UNC13A: variants seen among roughly 807,000 people sequenced by gnomAD.
UNC13A encodes the protein unc-13 homolog A, also known as protein unc-13 homolog A.
In UNC13A, 61 loss-of-function variants were observed where a neutral mutation model predicts 219.7. That is an observed-to-expected ratio of 0.28 (90% CI 0.23 to 0.34). The LOEUF (loss-of-function observed/expected upper bound fraction) is 0.34, where lower values mean the gene tolerates loss of function less well. UNC13A is among the 10% of genes least tolerant of loss of function. The pLI, the probability that UNC13A is intolerant of heterozygous loss-of-function variation, is 1.00. For synonymous variants in UNC13A, 920 were observed against 884.6 expected, an observed-to-expected ratio of 1.04 and a Z score of -0.71; for missense variants, 1,476 against 2,270.3, an observed-to-expected ratio of 0.65 and a Z score of 7.11.
chr19:17,618,518 A>G lies in UNC13A; in HGVS notation c.4330-17T>C. The G allele has an allele frequency of 6.3e-7, 1 of 1,577,246 alleles. No homozygotes were observed. The highest frequency in any genetic ancestry group is 1.2e-5 in the South Asian group (1 of 86,550). ...CATGTGATCCTGGATGGATGGGGAG[A>G]GGGGCCATGTGGGTGGAGTGGGCTC... On this transcript the variant is annotated splice_polypyrimidine_tract_variant and intron_variant, in intron 39 of 43. Transcript: ENST00000519716.
intron 36 of UNC13A, 23 bp from the exon 37 acceptor site, chr19:17,621,893 T>C (rs778383676): frequency 6.2e-7 from 1 of 1,613,752 alleles, no homozygotes; most frequent in Non-Finnish European, 8.5e-7. Context: ...TGTCACAGGG[T>C]GATCAACCTG....
chr19:17,628,164 T>C (rs1275584516), intron 31 of UNC13A: 2 of 519,264 alleles, frequency 3.9e-6, no homozygotes, highest in Non-Finnish European at 6.9e-6. Context: ...AGGACTCAAG[T>C]AATCCCACGA....
intron 41 of UNC13A, among the ~76,000 whole-genome samples, chr19:17,616,963 G>C (rs904769995): frequency 1.3e-5 from 2 of 152,192 alleles, no homozygotes; most frequent in East Asian, 3.9e-4. Context: ...TGTGCGCTCA[G>C]AGAGGGACAG....
At position 17,675,936 on chromosome 19, in the gene UNC13A, A is replaced by G. The variant is rs1159167837; in HGVS notation, c.52+76T>C. 3.9e-6 allele frequency: 6 copies of G among 1,524,586 alleles called. No individual in the cohort carries two copies. In the East Asian group the frequency reaches 1.5e-4, roughly 37 times the overall value. The allele number at this position is 1,524,586 out of a possible 1,614,324, so 94.4% of individuals were successfully genotyped here. ...AGCCCAACTCTAAGTCTGGGCTGGG[A>G]CCCCCTCCCAGTCTCTCCAAGAGAC... On this transcript the variant is annotated intron_variant, in intron 2 of 43. Coordinates refer to ENST00000519716, the MANE Select transcript of UNC13A (RefSeq NM_001080421.3).
At position 17,649,449 on chromosome 19, in the gene UNC13A, G is replaced by C; in HGVS notation, c.1518+60C>G. 1.2e-6 allele frequency: 2 copies of C among 1,613,218 alleles called. No homozygotes were observed. The highest frequency in any genetic ancestry group is 1.7e-6 in the Non-Finnish European group (2 of 1,179,262). On this transcript the variant is annotated intron_variant, in intron 13 of 43. Transcript: ENST00000519716. This position sits in a 1 kb window ranked among gnomAD's most constrained non-coding sequence, Gnocchi z 4.4. ...AGGTTGACCATGGGCAGTTCCACAGGTTGTGCACTGCTTATAGCAGGCCTG... is the reference window on the plus strand; with the variant it reads ...AGGTTGACCATGGGCAGTTCCACAGCTTGTGCACTGCTTATAGCAGGCCTG...
Position 17,656,298 on chromosome 19 carries a change from A to C in UNC13A, c.868T>G (p.Ser290Ala). 6.4e-7 allele frequency: 1 copy of C among 1,553,480 alleles called. No homozygotes were observed. The highest frequency in any genetic ancestry group is 8.7e-7 in the Non-Finnish European group (1 of 1,148,282). Residue 290 changes from serine (S) to alanine (A), a missense_variant, in exon 10 of 44, where the codon TCC becomes GCC. Physicochemically the swap from Ser to Ala is moderately conservative, Grantham distance 99. Coordinates refer to ENST00000519716, the MANE Select transcript of UNC13A (RefSeq NM_001080421.3). Reference protein sequence around the residue: ...FDPDEHSLQGSDMEDERDRDS... With the variant: ...FDPDEHSLQGADMEDERDRDS... The stretch of plus-strand genomic sequence containing the variant: ...CGGTCCCGCTCATCCTCCATGTCGG[A>C]GCCCTGCAGGCTGTGCTCGTCAGGG...
chr19:17,617,578 CAG>C, intron 41 of UNC13A, 122 bp downstream of exon 41: 1 of 1,402,076 alleles, frequency 7.1e-7, no homozygotes, highest in Non-Finnish European at 9.8e-7. Flanking sequence ...GGACTTGGTG[CAG>C]AGATGTCAAT....
intron 42 of UNC13A, 131 bp downstream of exon 42, chr19:17,611,631 TG>T: frequency 1.4e-6 from 1 of 721,118 alleles, no homozygotes; most frequent in Non-Finnish European, 2.4e-6. Flanking sequence ...TGCCTGAAGG[TG>T]GCCACCTTTG....
chr19:17,663,183 G>T (rs1230538252), intron 8 of UNC13A, among the ~76,000 whole-genome samples: 1 of 152,036 alleles, frequency 6.6e-6, no homozygotes, highest in Non-Finnish European at 1.5e-5. Flanking sequence ...AAAGGCAGGG[G>T]CTACAGGAGA....
chr19:17,666,231 G>C (rs913794545), intron 7 of UNC13A, among the ~76,000 whole-genome samples: 1 of 47,984 alleles, frequency 2.1e-5, no homozygotes, highest in Non-Finnish European at 4.4e-5. Context: ...TTCTTTTTTT[G>C]AGTCAGAGTC....
chr19:17,667,627 C>T (rs549710430), intron 6 of UNC13A, among the ~76,000 whole-genome samples: 40 of 152,120 alleles, frequency 2.6e-4, no homozygotes, highest in African/African-American at 9.2e-4. Context: ...GCGCCCGCCA[C>T]CATGCCTAGC....
At position 17,649,143 on chromosome 19, in the gene UNC13A, A is replaced by G. The variant is rs1350934090; in HGVS notation, c.1525-160T>C. The stretch of plus-strand genomic sequence containing the variant: ...AGCATCCGGGCCAGACCCAACAAAG[A>G]ATTAGGAGGTGACAGAGGCTTTGAG... On this transcript the variant is annotated intron_variant, in intron 14 of 43. Transcript: ENST00000519716. This position sits in a 1 kb window ranked among gnomAD's most constrained non-coding sequence, Gnocchi z 4.4. Among the ~76,000 whole-genome samples the G allele has an allele frequency of 3.3e-5, 5 of 152,088 alleles. No homozygotes were observed. The East Asian group carries it at 9.6e-4, about 29-fold the overall frequency.
intron 10 of UNC13A, 23 bp from the exon 11 acceptor site, chr19:17,655,405 G>C: frequency 6.5e-7 from 1 of 1,540,602 alleles, no homozygotes; most frequent in Non-Finnish European, 8.8e-7. Context: ...ACGCTATGAG[G>C]CTCTGGGCTG....
At chr19:17,639,956 C>G in intron 22 of UNC13A, 48 bp from the exon 23 acceptor site, 1 of 1,594,428 alleles carries the variant, frequency 6.3e-7, no homozygotes, top group South Asian at 1.1e-5. Flanking sequence ...AGGACATGGC[C>G]GCCATAGTGG....
At chr19:17,669,950 T>TTTC (rs2079750403) in intron 4 of UNC13A, among the ~76,000 whole-genome samples, 1 of 4,288 alleles carries the variant, frequency 2.3e-4, no homozygotes, top group Non-Finnish European at 9.1e-4. Context: ...TTTCTTTTCT[T>TTTC]TTTTTTTTTT....
chr19:17,667,939 C>T (rs755997462), intron 6 of UNC13A, among the ~76,000 whole-genome samples, 178 bp downstream of exon 6: 3 of 151,934 alleles, frequency 2.0e-5, no homozygotes, highest in Non-Finnish European at 4.4e-5. Context: ...TTTCTTGACC[C>T]CATCATTGTC....
chr19:17,676,811 C>T (rs146378204), intron 1 of UNC13A, among the ~76,000 whole-genome samples: 2,199 of 152,234 alleles, frequency 0.014, 21 homozygotes, highest in Non-Finnish European at 0.023. Context: ...GTCAGGAGTT[C>T]AAGACCAGCC....
At chr19:17,675,296 G>C (rs539739984) in intron 2 of UNC13A, among the ~76,000 whole-genome samples, 1 of 151,586 alleles carries the variant, frequency 6.6e-6, no homozygotes, top group East Asian at 1.9e-4. Flanking sequence ...ATTGCACCAC[G>C]GCACTCCAGC....
At chr19:17,661,082 G>A (rs1023156558) in intron 8 of UNC13A, among the ~76,000 whole-genome samples, 11 of 149,760 alleles carry the variant, frequency 7.3e-5, no homozygotes, top group Non-Finnish European at 1.0e-4. Context: ...GGGACTACAG[G>A]GGCGTGCCAC....
Sources: gnomAD v4.1 joint callset for allele counts (sites outside exome capture counted in the v4.1 genomes callset) on GRCh38, gnomAD v4.1.1 for gene constraint, Gnocchi (gnomAD v3.1) non-coding constraint, MANE v1.5 for transcripts, NCBI Gene and HGNC (gene_info 2026-07-23, HGNC 2026-07-21) for gene names.